Variants in MINDY2 observed in about 807,000 individuals in gnomAD.
MINDY2 encodes MINDY lysine 48 deubiquitinase 2, also known as ubiquitin carboxyl-terminal hydrolase MINDY-2.
In MINDY2, 52 loss-of-function variants were observed where a neutral mutation model predicts 68.2. The ratio of observed to expected loss-of-function variants is 0.76; its 90% CI spans 0.61 to 0.96. The LOEUF is 0.96. Ranked by LOEUF, MINDY2 falls within the 40% of genes least tolerant of loss-of-function variation. The pLI, the probability that MINDY2 is intolerant of heterozygous loss-of-function variation, is 0.00. For missense variants in MINDY2, 881 were observed against 773.4 expected, an observed-to-expected ratio of 1.14 and a Z score of -1.65; for synonymous variants, 372 against 303.0, an observed-to-expected ratio of 1.23 and a Z score of -2.36.
intron 1 of MINDY2, among the ~76,000 whole-genome samples, chr15:58,775,242 GTAGATA>G (rs1425054230): frequency 6.6e-6 from 1 of 152,058 alleles, no homozygotes; most frequent in Non-Finnish European, 1.5e-5. Context: ...TTATAATAAG[GTAGATA>G]TAGATAGATA....
In MINDY2 at chr15:58,856,885, G is replaced by GT. The variant is rs1305482152; in HGVS notation, c.*2276dup. 1.3e-5 allele frequency: 2 copies of GT among 152,160 alleles called. No homozygotes were observed. Among genetic ancestry groups the GT allele is most frequent in the Non-Finnish European group, 2.9e-5 (2 of 68,016 alleles). 9.4% of individuals were successfully genotyped at this position (152,160 alleles called of 1,614,324 possible). A position where few individuals can be genotyped will look rare whatever the true frequency, so the allele number is the denominator to read the frequency against. On this transcript the variant is annotated 3_prime_UTR_variant, in exon 9 of 9. Transcript: ENST00000559228. Reference sequence around the variant, plus strand: ...GCCCATGGAAAATATATGTGTAGAAGTATTTCTTCTGTTATTTGTTACTAT... The same window carrying GT: ...GCCCATGGAAAATATATGTGTAGAAGTTATTTCTTCTGTTATTTGTTACTAT...
At chr15:58,779,932 A>T (rs1330983982) in intron 1 of MINDY2, among the ~76,000 whole-genome samples, 1 of 152,162 alleles carries the variant, frequency 6.6e-6, no homozygotes, top group Non-Finnish European at 1.5e-5. Context: ...GGTGAAGGAC[A>T]TTTGGGCCCA....
intron 8 of MINDY2, 59 bp downstream of exon 8, chr15:58,852,024 C>T (rs1213950812): frequency 1.6e-5 from 21 of 1,321,416 alleles, no homozygotes; most frequent in Admixed American, 7.4e-5. Flanking sequence ...TAGTGGCTCA[C>T]ACCTGTATTC....
intron 1 of MINDY2, among the ~76,000 whole-genome samples, chr15:58,779,119 A>T (rs571650518): frequency 6.6e-6 from 1 of 150,906 alleles, no homozygotes; most frequent in East Asian, 2.0e-4. Flanking sequence ...TCTGGCCTTG[A>T]ACTCCTGGCC....
Position 58,772,206 on chromosome 15 carries a change from A to G in MINDY2, c.811A>G (p.Ile271Val). The stretch of plus-strand genomic sequence containing the variant: ...GAACGGACCCTGCCCCTTGCTGGCC[A>G]TCCTCAATGTTTTGCTCCTGGCCTG... ...NENGPCPLLA[I>V]LNVLLLAWKV... The change falls in exon 1 of 9, where the codon ATC becomes GTC. Residue 271 changes from isoleucine (I) to valine (V), a missense_variant. Physicochemically the swap from Ile to Val is conservative, Grantham distance 29 (BLOSUM62 3). Transcript: ENST00000559228. 6.2e-7 allele frequency: 1 copy of G among 1,612,914 alleles called. No individual in the cohort carries two copies. Among genetic ancestry groups the G allele is most frequent in the Non-Finnish European group, 8.5e-7 (1 of 1,180,028 alleles).
chr15:58,786,593 AC>A lies in MINDY2; in HGVS notation c.841-1311del, dbSNP rs575366229. On this transcript the variant is annotated intron_variant, in intron 1 of 8. Coordinates refer to ENST00000559228, the MANE Select transcript of MINDY2 (RefSeq NM_001040450.3). ...TCACTATAACGTATCTTTACTTTTA[AC>A]CTTCTTATTGTGAAATATAACACAT... Among the ~76,000 whole-genome samples, 736 of 152,264 alleles carry A rather than the reference AC, an allele frequency of 4.8e-3. 6 individuals are homozygous for A. The highest frequency in any genetic ancestry group is 0.015 in the African/African-American group (622 of 41,556).
At chr15:58,802,465 AAAG>A (rs1351937853) in intron 3 of MINDY2, 88 bp downstream of exon 3, 49 of 806,742 alleles carry the variant, frequency 6.1e-5, no homozygotes, top group Middle Eastern at 3.7e-4. Context: ...ATTTTTCTAT[AAAG>A]GATTAGATAG....
rs1054991 is a variant in MINDY2, at chr15:58,857,201, G to A, written c.*2591G>A. 85,127 of 151,992 alleles carry A rather than the reference G, an allele frequency of 0.56. 25,523 individuals carry two copies. The highest frequency in any genetic ancestry group is 0.73 in the Middle Eastern group (216 of 294). The allele number at this position is 151,992 out of a possible 1,614,324, so 9.4% of individuals were successfully genotyped here. ...GGGGGGAAAGATGAAATGTTCAATTGTATTAAAACAAACAAGCTTTTCAGA... is the reference window on the plus strand; with the variant it reads ...GGGGGGAAAGATGAAATGTTCAATTATATTAAAACAAACAAGCTTTTCAGA... On this transcript the variant is annotated 3_prime_UTR_variant, in exon 9 of 9. Transcript: ENST00000559228.
intron 6 of MINDY2, among the ~76,000 whole-genome samples, chr15:58,832,657 A>G (rs2031797223): frequency 6.6e-6 from 1 of 151,066 alleles, no homozygotes; most frequent in African/African-American, 2.4e-5. Flanking sequence ...CCTCCCGAGT[A>G]GCTGGGATTA....
chr15:58,827,249 T>C (rs2031454011), intron 5 of MINDY2, among the ~76,000 whole-genome samples: 1 of 152,218 alleles, frequency 6.6e-6, no homozygotes, highest in Admixed American at 6.5e-5. Flanking sequence ...ATATTATTCT[T>C]TGAACTGTGT....
intron 4 of MINDY2, among the ~76,000 whole-genome samples, chr15:58,813,893 T>G (rs2030480201): frequency 6.6e-6 from 1 of 152,036 alleles, no homozygotes; most frequent in Non-Finnish European, 1.5e-5. Context: ...TAGCCATTCT[T>G]AGGTAGCAAT....
At chr15:58,848,165 G>C (rs1348160877) in intron 7 of MINDY2, among the ~76,000 whole-genome samples, 1 of 151,694 alleles carries the variant, frequency 6.6e-6, no homozygotes, top group African/African-American at 2.4e-5. Flanking sequence ...TTAGAAATAT[G>C]ATGGTGATGT....
rs1320255584 is a variant in MINDY2, at chr15:58,857,267, A to T, written c.*2657A>T. 3 of 152,186 alleles carry T rather than the reference A, an allele frequency of 2.0e-5. No homozygotes were observed. Among genetic ancestry groups the T allele is most frequent in the Admixed American group, 2.0e-4 (3 of 15,268 alleles). The allele number at this position is 152,186 out of a possible 1,614,324, so 9.4% of individuals were successfully genotyped here. A position where few individuals can be genotyped will look rare whatever the true frequency, so the allele number is the denominator to read the frequency against. On this transcript the variant is annotated 3_prime_UTR_variant, in exon 9 of 9. Coordinates refer to ENST00000559228, the MANE Select transcript of MINDY2 (RefSeq NM_001040450.3). ...CCCTTGAAGGGTATAAAGAATTTAGATCATGCCTGTAATCCCAGTACTTTG... is the reference window on the plus strand; with the variant it reads ...CCCTTGAAGGGTATAAAGAATTTAGTTCATGCCTGTAATCCCAGTACTTTG...
intron 1 of MINDY2, among the ~76,000 whole-genome samples, chr15:58,787,059 A>C (rs1419567487): frequency 1.3e-5 from 2 of 150,220 alleles, no homozygotes; most frequent in South Asian, 4.2e-4. Context: ...CGAACTCCCA[A>C]CCTCACGTGA....
intron 6 of MINDY2, among the ~76,000 whole-genome samples, chr15:58,841,064 C>G (rs1028875587): frequency 6.6e-6 from 1 of 151,556 alleles, no homozygotes; most frequent in Admixed American, 6.6e-5. Context: ...TCACTGCAAC[C>G]TCTGCCTCCC....
At chr15:58,794,280 G>A (rs1902124701) in intron 2 of MINDY2, among the ~76,000 whole-genome samples, 1 of 151,856 alleles carries the variant, frequency 6.6e-6, no homozygotes, top group Non-Finnish European at 1.5e-5. Context: ...TAGAGCTGAG[G>A]AATTTTTGGT....
intron 7 of MINDY2, among the ~76,000 whole-genome samples, chr15:58,847,847 A>T (rs879650815): frequency 6.6e-6 from 1 of 152,214 alleles, no homozygotes; most frequent in Non-Finnish European, 1.5e-5. Flanking sequence ...GCAAGAGCTG[A>T]TGATGGCTTA....
chr15:58,816,811 C>G (rs2030717901), intron 4 of MINDY2, among the ~76,000 whole-genome samples: 1 of 151,994 alleles, frequency 6.6e-6, no homozygotes, highest in Non-Finnish European at 1.5e-5. Context: ...CTGTAAAAGC[C>G]AGGTGAGGTG....
chr15:58,778,344 A>C (rs1230662342), intron 1 of MINDY2, among the ~76,000 whole-genome samples: 1 of 152,096 alleles, frequency 6.6e-6, no homozygotes, highest in East Asian at 1.9e-4. Context: ...TTCTTTTCCC[A>C]ATTTTTTTCT....
Sources: gnomAD v4.1 joint callset for allele counts (sites outside exome capture counted in the v4.1 genomes callset) on GRCh38, gnomAD v4.1.1 for gene constraint, MANE v1.5 for transcripts, NCBI Gene and HGNC (gene_info 2026-07-23, HGNC 2026-07-21) for gene names.